The following CYTH4 variants were observed in gnomAD, a reference collection of about 807,000 sequenced individuals.
CYTH4 encodes cytohesin-4.
A neutral mutation model predicts 57.5 loss-of-function variants in CYTH4; 22 were observed. The ratio of observed to expected loss-of-function variants is 0.38; its 90% CI spans 0.27 to 0.55. The LOEUF (loss-of-function observed/expected upper bound fraction) is 0.55. Ranked by LOEUF, CYTH4 falls within the 20% of genes least tolerant of loss-of-function variation. The probability of loss-of-function intolerance (pLI) is 0.74; values close to 1 mark genes in which losing one functional copy is unlikely to be tolerated. For missense variants in CYTH4, 420 were observed against 535.6 expected, an observed-to-expected ratio of 0.78 and a Z score of 2.13; for synonymous variants, 186 against 206.5, an observed-to-expected ratio of 0.90 and a Z score of 0.85.
Position 37,303,085 on chromosome 22 carries a change from G to A in CYTH4, c.548-169G>A, listed in dbSNP as rs117940254. ...CTGAGGTTAGTTTAAGAGGGGGTGG[G>A]GACCAGCAAGAGTGGGAAGGGAGAG... On this transcript the variant is annotated intron_variant, in intron 7 of 12. Transcript: ENST00000248901. 2.1e-4 allele frequency among the ~76,000 whole-genome samples: 32 copies of A among 152,284 alleles called. 1 individual carries two copies. The East Asian group carries it at 6.2e-3, about 29-fold the overall frequency.
intron 12 of CYTH4, among the ~76,000 whole-genome samples, 189 bp downstream of exon 12, chr22:37,312,363 G>A (rs891822783): frequency 3.3e-5 from 5 of 152,322 alleles, no homozygotes; most frequent in African/African-American, 1.2e-4. Context: ...CAGGCCCCAG[G>A]ACACAGGGAA....
At position 37,311,386 on chromosome 22, in the gene CYTH4, C is replaced by T. The variant is rs905105412; in HGVS notation, c.886-70C>T. The stretch of plus-strand genomic sequence containing the variant: ...CTCTTTGAGTTTGGGGAACCCCACA[C>T]GTTCACACCCTGCCTTGGGCCTCAG... On this transcript the variant is annotated intron_variant, in intron 10 of 12. Coordinates refer to ENST00000248901, the MANE Select transcript of CYTH4 (RefSeq NM_013385.5). The surrounding 1 kb of genome is among the most constrained non-coding windows in gnomAD (Gnocchi z 4.4). 28 of 1,374,418 alleles carry T rather than the reference C, an allele frequency of 2.0e-5. No homozygotes were observed. Among genetic ancestry groups the T allele is most frequent in the Middle Eastern group, 1.8e-4 (1 of 5,604 alleles). The allele number at this position is 1,374,418 out of a possible 1,614,324, so 85.1% of individuals were successfully genotyped here. A position where few individuals can be genotyped will look rare whatever the true frequency, so the allele number is the denominator to read the frequency against.
intron 8 of CYTH4, chr22:37,304,069 C>T (rs567980563): frequency 2.5e-4 from 105 of 425,678 alleles, no homozygotes; most frequent in Middle Eastern, 5.1e-4. Context: ...GCTCTGGAGA[C>T]GCAGATCTGC....
chr22:37,305,295 G>C (rs940621969), intron 8 of CYTH4, among the ~76,000 whole-genome samples: 1 of 152,148 alleles, frequency 6.6e-6, no homozygotes, highest in Admixed American at 6.6e-5. Flanking sequence ...ACCAGGCTTT[G>C]GGGTCTATTA....
intron 9 of CYTH4, among the ~76,000 whole-genome samples, chr22:37,310,349 G>C (rs544644967): frequency 7.2e-5 from 11 of 152,252 alleles, no homozygotes; most frequent in Admixed American, 7.2e-4. Context: ...CCCAAGTACT[G>C]ATGGTCAGGT....
intron 7 of CYTH4, among the ~76,000 whole-genome samples, chr22:37,301,376 T>G (rs1309202878): frequency 6.6e-6 from 1 of 151,670 alleles, no homozygotes; most frequent in African/African-American, 2.4e-5. Context: ...TTCCAGGAGG[T>G]TAAGGGGAGA....
At chr22:37,310,561 C>T (rs1013887966) in intron 9 of CYTH4, among the ~76,000 whole-genome samples, 2 of 152,214 alleles carry the variant, frequency 1.3e-5, no homozygotes, top group African/African-American at 4.8e-5. Context: ...ACAATGGTCT[C>T]CTCTTCATAC....
chr22:37,315,160 G>A lies in CYTH4; in HGVS notation c.*1649G>A, dbSNP rs1929812816. On this transcript the variant is annotated 3_prime_UTR_variant, in exon 13 of 13. Coordinates refer to ENST00000248901, the MANE Select transcript of CYTH4 (RefSeq NM_013385.5). ...GGTGGTGGAAGGAGCACTGGGCTAG[G>A]GGTCAGGGGTCAGAGATTCTGTCCT... 1 of 152,280 alleles carries A rather than the reference G, an allele frequency of 6.6e-6. No individual in the cohort carries two copies. Among genetic ancestry groups the A allele is most frequent in the South Asian group, 2.1e-4 (1 of 4,822 alleles). 9.4% of individuals were successfully genotyped at this position (152,280 alleles called of 1,614,324 possible).
chr22:37,313,575 G>A lies in CYTH4; in HGVS notation c.*64G>A. ...AGTCCCATCGCCTGCAGCACCTGGA[G>A]ACCCACCTCCCACCCCAGTGCACTC... On this transcript the variant is annotated 3_prime_UTR_variant, in exon 13 of 13. Transcript: ENST00000248901. 6.9e-7 allele frequency: 1 copy of A among 1,455,912 alleles called. No homozygotes were observed. The highest frequency in any genetic ancestry group is 9.6e-7 in the Non-Finnish European group (1 of 1,037,018). The allele number at this position is 1,455,912 out of a possible 1,614,324, so 90.2% of individuals were successfully genotyped here. A position where few individuals can be genotyped will look rare whatever the true frequency, so the allele number is the denominator to read the frequency against.
rs1435910912 is a variant in CYTH4 at position 37,311,818 on chromosome 22, G to A, written c.958-202G>A. ...GAACCTCAGTGAGCCCACATGTCAC[G>A]TGGGGACTTTAGGGAGGATGGTGGA... is the stretch of plus-strand genomic sequence containing the variant. On this transcript the variant is annotated intron_variant, in intron 11 of 12. Coordinates refer to ENST00000248901, the MANE Select transcript of CYTH4 (RefSeq NM_013385.5). The surrounding 1 kb of genome is among the most constrained non-coding windows in gnomAD (Gnocchi z 4.4). 14 of 727,624 alleles carry A rather than the reference G, an allele frequency of 1.9e-5. No individual in the cohort carries two copies. Among genetic ancestry groups the A allele is most frequent in the Admixed American group, 5.9e-5 (2 of 34,134 alleles). The allele number at this position is 727,624 out of a possible 1,614,324, so 45.1% of individuals were successfully genotyped here. A position where few individuals can be genotyped will look rare whatever the true frequency, so the allele number is the denominator to read the frequency against.
At chr22:37,309,125 C>A in intron 8 of CYTH4, 87 bp from the exon 9 acceptor site, 1 of 1,175,730 alleles carries the variant, frequency 8.5e-7, no homozygotes, top group Non-Finnish European at 1.2e-6. Context: ...GAGTGACCTG[C>A]TCAAGGCCAC....
Position 37,313,977 on chromosome 22 carries a change from CT to C in CYTH4, c.*467del. On this transcript the variant is annotated 3_prime_UTR_variant, in exon 13 of 13. Transcript: ENST00000248901. ...AGGGATATCTCTGCCAACCCCTCCC[CT>C]GTCCTCGGGTTGGGCTTGGCCCTCT... The C allele has an allele frequency of 4.0e-6, 1 of 247,142 alleles. No homozygotes were observed. Among genetic ancestry groups the C allele is most frequent in the Non-Finnish European group, 7.8e-6 (1 of 128,026 alleles). 15.3% of individuals were successfully genotyped at this position (247,142 alleles called of 1,614,324 possible).
At chr22:37,297,374 G>A (rs1929013298) in intron 4 of CYTH4, among the ~76,000 whole-genome samples, 190 bp from the exon 5 acceptor site, 1 of 152,120 alleles carries the variant, frequency 6.6e-6, no homozygotes, top group Non-Finnish European at 1.5e-5. Context: ...CATGCCTCCA[G>A]TGATGGGGAA....
intron 8 of CYTH4, 131 bp from the exon 9 acceptor site, chr22:37,309,081 G>A (rs758359982): frequency 5.6e-5 from 39 of 701,472 alleles, no homozygotes; most frequent in Admixed American, 8.7e-5. Flanking sequence ...CAGGGACCAC[G>A]ATAAACAGGT....
chr22:37,306,666 G>C (rs577028896), intron 8 of CYTH4, among the ~76,000 whole-genome samples: 1 of 152,318 alleles, frequency 6.6e-6, no homozygotes, highest in South Asian at 2.1e-4. Context: ...AGAAATGCTG[G>C]CTTCAGGTTC....
At position 37,286,459 on chromosome 22, in the gene CYTH4, C is replaced by G. The variant is rs138566525; in HGVS notation, c.19+3871C>G. 3.9e-5 allele frequency among the ~76,000 whole-genome samples: 6 copies of G among 152,256 alleles called. No individual in the cohort carries two copies. In the East Asian group the frequency reaches 9.7e-4, roughly 25 times the overall value. The stretch of plus-strand genomic sequence containing the variant: ...CTGGATCACACAGGGCCTGGCGCAC[C>G]ATGGGTGCTCAGCCACCATGCCTTC... On this transcript the variant is annotated intron_variant, in intron 1 of 12. Transcript: ENST00000248901.
At chr22:37,284,992 G>A (rs896565003) in intron 1 of CYTH4, among the ~76,000 whole-genome samples, 3 of 152,174 alleles carry the variant, frequency 2.0e-5, no homozygotes, top group Non-Finnish European at 2.9e-5. Flanking sequence ...GAGCCTGTGG[G>A]GCTTGTGGGG....
chr22:37,284,567 A>G (rs939928843), intron 1 of CYTH4, among the ~76,000 whole-genome samples: 1 of 152,066 alleles, frequency 6.6e-6, no homozygotes, highest in African/African-American at 2.4e-5. Context: ...CCCCTCTCTG[A>G]GTTCTGATTT....
rs1349683726 is a variant in CYTH4 at position 37,313,929 on chromosome 22, C to T, written c.*418C>T. On this transcript the variant is annotated 3_prime_UTR_variant, in exon 13 of 13. Coordinates refer to ENST00000248901, the MANE Select transcript of CYTH4 (RefSeq NM_013385.5). ...CGTGGGGTCCCTAAGTGATTCTTCT[C>T]CCTGGCAAGGCTCTTCCTTTTCAGG... The T allele has an allele frequency of 4.2e-6, 1 of 236,732 alleles. No homozygotes were observed. Among genetic ancestry groups the T allele is most frequent in the Non-Finnish European group, 8.3e-6 (1 of 121,140 alleles). 14.7% of individuals were successfully genotyped at this position (236,732 alleles called of 1,614,324 possible). A position where few individuals can be genotyped will look rare whatever the true frequency, so the allele number is the denominator to read the frequency against.
Sources: gnomAD v4.1 joint callset for allele counts (sites outside exome capture counted in the v4.1 genomes callset) on GRCh38, gnomAD v4.1.1 for gene constraint, Gnocchi (gnomAD v3.1) non-coding constraint, MANE v1.5 for transcripts, NCBI Gene and HGNC (gene_info 2026-07-23, HGNC 2026-07-21) for gene names.